NBDY: variants seen among roughly 807,000 people sequenced by gnomAD.
NBDY encodes the protein negative regulator of P-body association.
At chrX:56,788,631 A>AAT (rs2042438607) in intron 2 of NBDY, among the ~76,000 whole-genome samples, 1 of 104,626 alleles carries the variant, frequency 9.6e-6, no homozygotes, top group Admixed American at 1.0e-4. Context: ...TTTTTTTTTT[A>AAT]CCAGGAAGAT....
chrX:56,743,914 A>T (rs2069544293), intron 2 of NBDY, among the ~76,000 whole-genome samples: 1 of 109,265 alleles, frequency 9.2e-6, no homozygotes, highest in African/African-American at 3.3e-5. Context: ...TTATTTAGGC[A>T]CTAAATAACT....
At chrX:56,803,820 A>G (rs1259509685) in intron 2 of NBDY, among the ~76,000 whole-genome samples, 2 of 112,203 alleles carry the variant, frequency 1.8e-5, no homozygotes, top group East Asian at 5.6e-4. Context: ...AAAACAAAAC[A>G]AAAAGAAAAG....
chrX:56,741,128 A>G (rs1035295792), intron 2 of NBDY, among the ~76,000 whole-genome samples: 5 of 111,262 alleles, frequency 4.5e-5, no homozygotes, highest in Non-Finnish European at 9.5e-5. Context: ...CACTTAACAT[A>G]ATGATATCCA....
At chrX:56,735,362 T>A (rs1253171953) in intron 2 of NBDY, among the ~76,000 whole-genome samples, 4 of 112,664 alleles carry the variant, frequency 3.6e-5, no homozygotes, top group South Asian at 3.7e-4. Context: ...AGGCATACAC[T>A]GTGACTTTAG....
intron 2 of NBDY, among the ~76,000 whole-genome samples, chrX:56,803,705 C>T (rs976389653): frequency 8.9e-6 from 1 of 112,160 alleles, no homozygotes; most frequent in Non-Finnish European, 1.9e-5. Context: ...TCCCTGCAGC[C>T]GGTCGTGTTC....
intron 2 of NBDY, among the ~76,000 whole-genome samples, chrX:56,809,053 A>G (rs973965700): frequency 8.9e-6 from 1 of 112,398 alleles, no homozygotes; most frequent in African/African-American, 3.2e-5. Flanking sequence ...TTCAGTTTTC[A>G]TGTAGCTGTG....
intron 2 of NBDY, among the ~76,000 whole-genome samples, chrX:56,795,299 A>G (rs2069786262): frequency 8.9e-6 from 1 of 112,106 alleles, no homozygotes; most frequent in African/African-American, 3.2e-5. Context: ...CTGGATATTC[A>G]TCCCAGAAAA....
chrX:56,763,616 T>A (rs2069649630), intron 2 of NBDY, among the ~76,000 whole-genome samples: 1 of 111,821 alleles, frequency 8.9e-6, no homozygotes. Context: ...GGTGTCCCAG[T>A]AATGATCATG....
intron 2 of NBDY, among the ~76,000 whole-genome samples, chrX:56,789,228 C>G (rs1183670015): frequency 8.9e-6 from 1 of 112,962 alleles, no homozygotes; most frequent in Non-Finnish European, 1.9e-5. Context: ...TTTGGGGGAA[C>G]CTGCAACAGT....
At chrX:56,763,458 C>T (rs1349999678) in intron 2 of NBDY, among the ~76,000 whole-genome samples, 1 of 112,137 alleles carries the variant, frequency 8.9e-6, no homozygotes, top group Non-Finnish European at 1.9e-5. Context: ...TTTTGATGAC[C>T]TCCATGTGTC....
chrX:56,732,606 T>C (rs2069465239), intron 2 of NBDY, among the ~76,000 whole-genome samples: 1 of 111,821 alleles, frequency 8.9e-6, no homozygotes, highest in Non-Finnish European at 1.9e-5. Context: ...CTTTACAATA[T>C]TTCTTTACCT....
In NBDY at chrX:56,759,483, T is replaced by C. The variant is rs2069627476; in HGVS notation, c.*166+27284T>C. Among the ~76,000 whole-genome samples, 3 of 111,569 alleles carry C rather than the reference T, an allele frequency of 2.7e-5. No homozygotes were observed. The South Asian group carries it at 1.1e-3, about 42-fold the overall frequency. On this transcript the variant is annotated intron_variant, in intron 2 of 2. Transcript: ENST00000374922. ...CCTGGGACCTAGTGGCTGTTTTCTTTTTCTCCCCACTTTTTCTCTTTCTCC... is the reference window on the plus strand; with the variant it reads ...CCTGGGACCTAGTGGCTGTTTTCTTCTTCTCCCCACTTTTTCTCTTTCTCC...
At chrX:56,792,870 G>A (rs1298320490) in intron 2 of NBDY, among the ~76,000 whole-genome samples, 1 of 111,432 alleles carries the variant, frequency 9.0e-6, no homozygotes, top group Non-Finnish European at 1.9e-5. Context: ...AGCAGCAGGT[G>A]TGAAACTGGA....
chrX:56,733,139 A>T (rs2069468599), intron 2 of NBDY, among the ~76,000 whole-genome samples: 1 of 109,971 alleles, frequency 9.1e-6, no homozygotes, highest in Admixed American at 9.6e-5. Flanking sequence ...TTTTATATAT[A>T]GTATTTTTAT....
At chrX:56,798,194 C>T (rs1025164531) in intron 2 of NBDY, among the ~76,000 whole-genome samples, 2 of 112,251 alleles carry the variant, frequency 1.8e-5, no homozygotes, top group Non-Finnish European at 3.8e-5. Flanking sequence ...AAAATGAATG[C>T]GGGCAATCTT....
At chrX:56,797,476 G>A (rs2069799283) in intron 2 of NBDY, among the ~76,000 whole-genome samples, 1 of 109,790 alleles carries the variant, frequency 9.1e-6, no homozygotes, top group African/African-American at 3.3e-5. Flanking sequence ...CTTCTTAAAA[G>A]AACAGCGATG....
intron 2 of NBDY, among the ~76,000 whole-genome samples, chrX:56,736,886 A>C (rs1360480644): frequency 8.9e-6 from 1 of 111,761 alleles, no homozygotes; most frequent in Non-Finnish European, 1.9e-5. Context: ...AATCCTGGCA[A>C]ACTAGGGGGT....
chrX:56,767,841 G>C (rs1371903303), intron 2 of NBDY, among the ~76,000 whole-genome samples: 5 of 78,087 alleles, frequency 6.4e-5, no homozygotes, highest in Admixed American at 3.1e-4. Flanking sequence ...GGAGGCTGTA[G>C]GGCACAAGTA....
intron 2 of NBDY, among the ~76,000 whole-genome samples, chrX:56,815,735 G>A (rs1044791225): frequency 4.5e-5 from 5 of 112,011 alleles, no homozygotes; most frequent in African/African-American, 9.7e-5. Context: ...TGGTTACTAT[G>A]AGATATTATT....
Sources: gnomAD v4.1 joint callset for allele counts (sites outside exome capture counted in the v4.1 genomes callset) on GRCh38, gnomAD v4.1.1 for gene constraint, MANE v1.5 for transcripts, NCBI Gene and HGNC (gene_info 2026-07-23, HGNC 2026-07-21) for gene names.